Variants in EML1 observed in about 807,000 individuals in gnomAD.
The protein encoded by EML1 is echinoderm microtubule-associated protein-like 1.
Under a neutral mutation model 110.4 loss-of-function variants are expected in EML1, and 27 were observed. The ratio of observed to expected loss-of-function variants is 0.24; its 90% CI spans 0.18 to 0.34. EML1 has a LOEUF of 0.34. Among genes scored for constraint, EML1 ranks in the 10% least tolerant of loss-of-function variants. The probability of loss-of-function intolerance (pLI) is 1.00; values close to 1 mark genes in which losing one functional copy is unlikely to be tolerated. For missense variants in EML1, 741 were observed against 1,030.9 expected (o/e 0.72, Z 3.85); for synonymous variants, 344 against 385.8 (o/e 0.89, Z 1.27).
At chr14:99,912,876 T>C (rs574824767) in intron 13 of EML1, among the ~76,000 whole-genome samples, 1 of 152,334 alleles carries the variant, frequency 6.6e-6, no homozygotes, top group African/African-American at 2.4e-5. Flanking sequence ...CATCATCAAC[T>C]TGACTCAAAT....
chr14:99,757,385 C>T (rs2057268977), intron 1 of EML1, among the ~76,000 whole-genome samples: 1 of 151,860 alleles, frequency 6.6e-6, no homozygotes, highest in Admixed American at 6.6e-5. Flanking sequence ...ACTGTGGCAG[C>T]AGAGCCCCCA....
chr14:99,836,515 T>G (rs1041639466), intron 1 of EML1, among the ~76,000 whole-genome samples: 1 of 152,230 alleles, frequency 6.6e-6, no homozygotes, highest in Non-Finnish European at 1.5e-5. Flanking sequence ...TTTTCTTGAC[T>G]TTTTGCACTA....
intron 10 of EML1, 72 bp from the exon 11 acceptor site, chr14:99,909,273 T>C: frequency 2.5e-6 from 4 of 1,605,810 alleles, no homozygotes; most frequent in Non-Finnish European, 3.4e-6. Context: ...GCTCACATTT[T>C]ACTTGTTTTC....
intron 1 of EML1, among the ~76,000 whole-genome samples, chr14:99,747,790 C>T (rs1166245640): frequency 6.6e-6 from 1 of 152,186 alleles, no homozygotes; most frequent in Non-Finnish European, 1.5e-5. Flanking sequence ...CCCCTGGCCA[C>T]ACGGGGACTT....
intron 3 of EML1, among the ~76,000 whole-genome samples, chr14:99,876,080 A>T (rs1209498620): frequency 6.6e-6 from 1 of 152,118 alleles, no homozygotes; most frequent in Non-Finnish European, 1.5e-5. Context: ...GAGCCACTGG[A>T]AGTTGCAAAG....
At chr14:99,793,657 G>A in intron 1 of EML1, 114 bp downstream of exon 1, 4 of 821,616 alleles carry the variant, frequency 4.9e-6, no homozygotes, top group Non-Finnish European at 5.9e-6. Flanking sequence ...GGGCGAGGCC[G>A]CGCAAAGTTG....
chr14:99,743,370 C>T (rs925086243), intron 1 of EML1, among the ~76,000 whole-genome samples: 1 of 152,218 alleles, frequency 6.6e-6, no homozygotes, highest in Non-Finnish European at 1.5e-5. Context: ...CACCCATGCC[C>T]TGCTACCCTT....
intron 4 of EML1, among the ~76,000 whole-genome samples, chr14:99,879,552 A>C (rs1013208984): frequency 1.2e-4 from 18 of 152,220 alleles, no homozygotes; most frequent in African/African-American, 3.9e-4. Flanking sequence ...CAGTCCTATA[A>C]AGGAAGCTTA....
At chr14:99,925,939 C>T (rs2060225627) in intron 17 of EML1, among the ~76,000 whole-genome samples, 2 of 152,186 alleles carry the variant, frequency 1.3e-5, no homozygotes, top group African/African-American at 2.4e-5. Flanking sequence ...GCTACTATTG[C>T]CCAGGGCTCC....
At chr14:99,909,015 G>T (rs994393282) in intron 10 of EML1, among the ~76,000 whole-genome samples, 25 of 152,112 alleles carry the variant, frequency 1.6e-4, no homozygotes, top group African/African-American at 6.0e-4. Context: ...AGTCCCTCTG[G>T]TCCCAACTCC....
intron 1 of EML1, among the ~76,000 whole-genome samples, chr14:99,798,066 A>G (rs1266620901): frequency 6.6e-6 from 1 of 152,194 alleles, no homozygotes; most frequent in Non-Finnish European, 1.5e-5. Context: ...TTTTCTCCAG[A>G]CAGTTCAGAC....
At chr14:99,824,020 G>A (rs140665581) in intron 1 of EML1, among the ~76,000 whole-genome samples, 137 of 152,192 alleles carry the variant, frequency 9.0e-4, no homozygotes, top group African/African-American at 3.0e-3. Flanking sequence ...GCCGTGGCGC[G>A]ATCTCGGTTC....
chr14:99,871,228 A>C (rs1016735727), intron 3 of EML1, among the ~76,000 whole-genome samples: 4 of 150,932 alleles, frequency 2.7e-5, no homozygotes, highest in Admixed American at 2.0e-4. Context: ...AAGTGCTGGG[A>C]TTACAGGCGT....
At chr14:99,803,239 G>A (rs1379499476) in intron 1 of EML1, among the ~76,000 whole-genome samples, 2 of 152,196 alleles carry the variant, frequency 1.3e-5, no homozygotes, top group Non-Finnish European at 2.9e-5. Context: ...CACGCACCAG[G>A]CGCCACCAGG....
At chr14:99,812,023 G>C (rs1198538619) in intron 1 of EML1, among the ~76,000 whole-genome samples, 2 of 151,710 alleles carry the variant, frequency 1.3e-5, no homozygotes, top group African/African-American at 4.8e-5. Context: ...TGTGTAAGTG[G>C]ATCTGCGCAG....
At chr14:99,908,313 T>C (rs1188329641) in intron 10 of EML1, among the ~76,000 whole-genome samples, 1 of 152,246 alleles carries the variant, frequency 6.6e-6, no homozygotes, top group African/African-American at 2.4e-5. Flanking sequence ...ATATGTCAAA[T>C]TCCCTTGCCT....
intron 8 of EML1, among the ~76,000 whole-genome samples, chr14:99,899,874 A>G (rs2059732300): frequency 6.6e-6 from 1 of 152,120 alleles, no homozygotes; most frequent in South Asian, 2.1e-4. Context: ...GTTATCTTTC[A>G]GTTTACCCAT....
In EML1 at chr14:99,936,003, A is replaced by C; in HGVS notation, c.1910-26A>C. 1.9e-6 allele frequency: 3 copies of C among 1,607,378 alleles called. No individual in the cohort carries two copies. Among genetic ancestry groups the C allele is most frequent in the Non-Finnish European group, 2.6e-6 (3 of 1,174,124 alleles). On this transcript the variant is annotated intron_variant, in intron 17 of 21. Transcript: ENST00000262233. This position sits in a 1 kb window ranked among gnomAD's most constrained non-coding sequence, Gnocchi z 5.5. ...ACAAAATGTGTATTGTTAACATCTG[A>C]AATGTAATTTGTCATCTTTTTATAG...
chr14:99,740,576 G>A (rs888252177), intron 1 of EML1, among the ~76,000 whole-genome samples: 2 of 152,122 alleles, frequency 1.3e-5, no homozygotes, highest in African/African-American at 4.8e-5. Context: ...TGGGTGAGCC[G>A]GAGCTAAGGT....
Sources: allele counts gnomAD v4.1 joint callset (sites outside exome capture counted in the v4.1 genomes callset), GRCh38; gene constraint gnomAD v4.1.1; non-coding constraint Gnocchi (gnomAD v3.1); transcripts MANE v1.5; gene names NCBI Gene and HGNC (gene_info 2026-07-23, HGNC 2026-07-21).